Variants in SAMSN1 observed in about 807,000 individuals in gnomAD.
SAMSN1 encodes the protein SAM domain, SH3 domain and nuclear localization signals 1, also known as SAM domain-containing protein SAMSN-1.
SAMSN1 carries 31 observed loss-of-function variants against 42.0 expected under a neutral mutation model. That is an observed-to-expected ratio of 0.74 (90% CI 0.55 to 1.00). The LOEUF (loss-of-function observed/expected upper bound fraction) is 1.00, where lower values mean the gene tolerates loss of function less well. Among genes scored for constraint, SAMSN1 ranks in the 50% least tolerant of loss-of-function variants. The probability of loss-of-function intolerance (pLI) is 0.00; values close to 1 mark genes in which losing one functional copy is unlikely to be tolerated. For synonymous variants in SAMSN1, 178 were observed against 151.9 expected (o/e 1.17, Z -1.26); for missense variants, 464 against 439.4 (o/e 1.06, Z -0.50).
At chr21:14,487,596 A>AG (rs1485574711) in intron 7 of SAMSN1, among the ~76,000 whole-genome samples, 1 of 152,178 alleles carries the variant, frequency 6.6e-6, no homozygotes, top group African/African-American at 2.4e-5. Context: ...TCTGTAGTTT[A>AG]GAAGAAAAAT....
At chr21:14,596,312 T>C (rs1982261382) in intron 6 of SAMSN1, among the ~76,000 whole-genome samples, 1 of 152,170 alleles carries the variant, frequency 6.6e-6, no homozygotes, top group South Asian at 2.1e-4. Flanking sequence ...GATAACGAAA[T>C]ATAGCCCTAT....
chr21:14,632,766 G>T (rs916379103), intron 2 of SAMSN1, among the ~76,000 whole-genome samples: 1 of 152,150 alleles, frequency 6.6e-6, no homozygotes, highest in African/African-American at 2.4e-5. Flanking sequence ...TCATCTGAAG[G>T]TTCAGCTAGG....
intron 2 of SAMSN1, among the ~76,000 whole-genome samples, chr21:14,557,458 C>T (rs1218204571): frequency 3.3e-5 from 5 of 152,140 alleles, no homozygotes; most frequent in African/African-American, 9.7e-5. Context: ...TCTTCTAGGA[C>T]GTGGTCATAG....
intron 1 of SAMSN1, among the ~76,000 whole-genome samples, chr21:14,526,834 G>A (rs1237301894): frequency 5.9e-5 from 9 of 152,134 alleles, no homozygotes; most frequent in Non-Finnish European, 1.2e-4. Context: ...CTGCATTTAT[G>A]AACATGAATG....
chr21:14,573,953 A>G (rs1981383436), intron 2 of SAMSN1, among the ~76,000 whole-genome samples: 2 of 152,178 alleles, frequency 1.3e-5, no homozygotes. Flanking sequence ...GCTTAGCAGT[A>G]TTTGAATTAT....
chr21:14,501,316 A>G (rs957084557), intron 5 of SAMSN1, among the ~76,000 whole-genome samples: 1 of 152,126 alleles, frequency 6.6e-6, no homozygotes, highest in Non-Finnish European at 1.5e-5. Flanking sequence ...TGCCTACTCT[A>G]AGTTATTTTT....
chr21:14,541,909 C>T (rs1398204303), intron 1 of SAMSN1, among the ~76,000 whole-genome samples: 1 of 148,956 alleles, frequency 6.7e-6, no homozygotes, highest in African/African-American at 2.5e-5. Flanking sequence ...AGGAGAGTCA[C>T]ATAAGCTCAG....
At chr21:14,583,839 A>G, upstream of SAMSN1, 1 of 684,144 alleles carries the variant, frequency 1.5e-6, no homozygotes, top group Non-Finnish European at 2.7e-6. Flanking sequence ...AATATAAAAT[A>G]TGTTGAGATC....
At chr21:14,561,407 A>G (rs1231854720) in intron 2 of SAMSN1, among the ~76,000 whole-genome samples, 1 of 152,164 alleles carries the variant, frequency 6.6e-6, no homozygotes, top group Non-Finnish European at 1.5e-5. Context: ...CTGCAATGCC[A>G]TAGTTTCAGT....
At chr21:14,610,726 C>T (rs8129135) in intron 4 of SAMSN1, among the ~76,000 whole-genome samples, 5,650 of 152,200 alleles carry the variant, frequency 0.037, 362 homozygotes, top group African/African-American at 0.13. Context: ...AAATAACACA[C>T]GTTGAATTAT....
intron 2 of SAMSN1, among the ~76,000 whole-genome samples, chr21:14,631,926 A>C (rs1283119258): frequency 6.6e-6 from 1 of 152,152 alleles, no homozygotes; most frequent in East Asian, 1.9e-4. Context: ...GAGGAAGAGA[A>C]GAAAAAAGAG....
At chr21:14,582,398 T>G in exon 2 of SAMSN1, 1 of 1,550,268 alleles carries the variant, frequency 6.5e-7, no homozygotes, top group East Asian at 2.4e-5. Context: ...AATCTCCATT[T>G]CTTCCTTCCT....
intron 1 of SAMSN1, among the ~76,000 whole-genome samples, chr21:14,654,233 G>A (rs1259669857): frequency 6.6e-6 from 1 of 151,942 alleles, no homozygotes; most frequent in Non-Finnish European, 1.5e-5. Flanking sequence ...TATAAGTAAA[G>A]TGAAGATTGG....
intron 2 of SAMSN1, among the ~76,000 whole-genome samples, chr21:14,622,470 C>T (rs151254258): frequency 9.2e-5 from 14 of 152,270 alleles, no homozygotes; most frequent in East Asian, 1.9e-4. Flanking sequence ...AACTACGTGA[C>T]GAATCCACAA....
intron 4 of SAMSN1, among the ~76,000 whole-genome samples, chr21:14,609,881 A>G (rs951144387): frequency 6.6e-5 from 10 of 152,220 alleles, no homozygotes; most frequent in African/African-American, 2.4e-4. Context: ...TGAAGATTTC[A>G]TAGACACTTA....
chr21:14,581,597 G>C (rs1340870438), intron 2 of SAMSN1, among the ~76,000 whole-genome samples: 1 of 151,444 alleles, frequency 6.6e-6, no homozygotes, highest in Non-Finnish European at 1.5e-5. Context: ...CTGACCTCAT[G>C]ATCCTCCCGC....
intron 2 of SAMSN1, among the ~76,000 whole-genome samples, chr21:14,624,982 T>A (rs1209113250): frequency 6.6e-6 from 1 of 151,812 alleles, no homozygotes; most frequent in Non-Finnish European, 1.5e-5. Context: ...CATACATGAG[T>A]CAATAAACAT....
chr21:14,505,193 C>A (rs747444223), intron 5 of SAMSN1, among the ~76,000 whole-genome samples: 47 of 151,146 alleles, frequency 3.1e-4, no homozygotes, highest in Admixed American at 1.1e-3. Flanking sequence ...ACACAAAAAA[C>A]CAAAAAAAAT....
chr21:14,577,273 TATATATATA>T lies in SAMSN1; in HGVS notation c.261+4854_261+4862del, dbSNP rs1403391097. On this transcript the variant is annotated intron_variant, in intron 2 of 8. Transcript: ENST00000285670. ...ATATATATATATATATATATATATA[TATATATATA>T]TATTTTTTTTTTAGAAGAGACAGGG... Among the ~76,000 whole-genome samples the T allele has an allele frequency of 5.4e-3, 295 of 54,186 alleles. 17 individuals carry two copies. Among genetic ancestry groups the T allele is most frequent in the Middle Eastern group, 0.014 (2 of 148 alleles). 35.5% of individuals were successfully genotyped at this position (54,186 alleles called of 152,430 possible).
Sources: gnomAD v4.1 joint callset for allele counts (sites outside exome capture counted in the v4.1 genomes callset) on GRCh38, gnomAD v4.1.1 for gene constraint, MANE v1.5 for transcripts, NCBI Gene and HGNC (gene_info 2026-07-23, HGNC 2026-07-21) for gene names.